MOV10: variants seen among roughly 807,000 people sequenced by gnomAD.
MOV10 encodes RNA helicase MOV-10.
In MOV10, 39 loss-of-function variants were observed where a neutral mutation model predicts 108.4. The ratio of observed to expected loss-of-function variants is 0.36; its 90% CI spans 0.28 to 0.47. The LOEUF (loss-of-function observed/expected upper bound fraction) is 0.47. MOV10 is among the 20% of genes least tolerant of loss of function. The pLI is 1.00. For missense variants in MOV10, 952 were observed against 1,297.6 expected, an observed-to-expected ratio of 0.73 and a Z score of 4.09; for synonymous variants, 490 against 523.1, an observed-to-expected ratio of 0.94 and a Z score of 0.86.
intron 2 of MOV10, among the ~76,000 whole-genome samples, chr1:112,681,900 GTT>G (rs751683438): frequency 2.9e-5 from 4 of 139,416 alleles, no homozygotes; most frequent in Admixed American, 1.4e-4. Context: ...TTGTTTATGG[GTT>G]TTTTTTTTTT....
intron 16 of MOV10, 62 bp downstream of exon 16, chr1:112,698,540 C>T: frequency 6.5e-7 from 1 of 1,549,810 alleles, no homozygotes; most frequent in Non-Finnish European, 8.8e-7. Context: ...TCCTTAATAT[C>T]CAGACCACTA....
chr1:112,675,111 G>T lies in MOV10; in HGVS notation c.137+62G>T. On this transcript the variant is annotated intron_variant, in intron 2 of 20. Coordinates refer to ENST00000369645, the MANE Select transcript of MOV10 (RefSeq NM_001321324.2). This position sits in a 1 kb window ranked among gnomAD's most constrained non-coding sequence, Gnocchi z 4.7. ...CCCAGCTTGCTGCCACGACCCCCGC[G>T]CGAGGGCCACCTTTCCCGCCCCGGG... 6.4e-7 allele frequency: 1 copy of T among 1,558,690 alleles called. No homozygotes were observed. The highest frequency in any genetic ancestry group is 8.7e-7 in the Non-Finnish European group (1 of 1,156,006).
chr1:112,697,539 G>C (rs1487206148), intron 14 of MOV10, among the ~76,000 whole-genome samples: 1 of 152,136 alleles, frequency 6.6e-6, no homozygotes, highest in African/African-American at 2.4e-5. Context: ...TTAAAGAGCT[G>C]TATACTTTTA....
chr1:112,694,318 G>C lies in MOV10; in HGVS notation c.1296-135G>C. 1 of 1,410,934 alleles carries C rather than the reference G, an allele frequency of 7.1e-7. No homozygotes were observed. The highest frequency in any genetic ancestry group is 1.3e-5 in the South Asian group (1 of 79,374). The allele number at this position is 1,410,934 out of a possible 1,614,324, so 87.4% of individuals were successfully genotyped here. On this transcript the variant is annotated intron_variant, in intron 8 of 20. Transcript: ENST00000369645. This position sits in a 1 kb window ranked among gnomAD's most constrained non-coding sequence, Gnocchi z 4.1. ...AGGGGTACCCTGAGATGCTACGGCA[G>C]CTTCCTCTTCTAGAGAACTTGCATA... is the stretch of plus-strand genomic sequence containing the variant.
intron 14 of MOV10, among the ~76,000 whole-genome samples, chr1:112,697,436 G>A (rs1331692424): frequency 6.6e-6 from 1 of 152,110 alleles, no homozygotes; most frequent in Admixed American, 6.5e-5. Flanking sequence ...CGCTACTGCA[G>A]TCTAGCCTGG....
In MOV10 at chr1:112,694,298, T is replaced by C; in HGVS notation, c.1295+126T>C. On this transcript the variant is annotated intron_variant, in intron 8 of 20. Transcript: ENST00000369645. The surrounding 1 kb of genome is among the most constrained non-coding windows in gnomAD (Gnocchi z 4.1). ...AGAGCAGGAGACTTTTCCTCAGGGG[T>C]ACCCTGAGATGCTACGGCAGCTTCC... The C allele has an allele frequency of 1.4e-6, 2 of 1,393,046 alleles. No individual in the cohort carries two copies. Among genetic ancestry groups the C allele is most frequent in the Admixed American group, 3.7e-5 (2 of 54,004 alleles). The allele number at this position is 1,393,046 out of a possible 1,614,324, so 86.3% of individuals were successfully genotyped here. A position where few individuals can be genotyped will look rare whatever the true frequency, so the allele number is the denominator to read the frequency against.
chr1:112,697,853 T>C (rs1674249321), intron 14 of MOV10, 141 bp from the exon 15 acceptor site: 3 of 701,060 alleles, frequency 4.3e-6, no homozygotes, highest in Non-Finnish European at 5.1e-6. Context: ...GCAGCAGATA[T>C]TATGGAGGAG....
At chr1:112,685,653 CAATAAAATAAAATAAAATAA>C (rs141836635) in intron 2 of MOV10, among the ~76,000 whole-genome samples, 1 of 139,208 alleles carries the variant, frequency 7.2e-6, no homozygotes, top group Non-Finnish European at 1.5e-5. Flanking sequence ...GATTCCGTCT[CAATAAAATAAAATAAAATAA>C]AATAAAATAA....
In MOV10 at chr1:112,694,414, C is replaced by G. The variant is rs1673871286; in HGVS notation, c.1296-39C>G. 6.2e-7 allele frequency: 1 copy of G among 1,612,220 alleles called. No homozygotes were observed. The highest frequency in any genetic ancestry group is 8.5e-7 in the Non-Finnish European group (1 of 1,179,270). ...TCTGGCCCTTTATTGCCCACCTCCC[C>G]TGCCCCAACAAACTCTTACCACCTC... On this transcript the variant is annotated intron_variant, in intron 8 of 20. Coordinates refer to ENST00000369645, the MANE Select transcript of MOV10 (RefSeq NM_001321324.2). This position sits in a 1 kb window ranked among gnomAD's most constrained non-coding sequence, Gnocchi z 4.1.
intron 6 of MOV10, among the ~76,000 whole-genome samples, 160 bp downstream of exon 6, chr1:112,691,959 A>C (rs1380423371): frequency 6.6e-6 from 1 of 152,224 alleles, no homozygotes; most frequent in East Asian, 1.9e-4. Flanking sequence ...TGAACCAGTC[A>C]AATGAAGGCC....
chr1:112,696,068 A>AG (rs556314032), intron 11 of MOV10, 80 bp from the exon 12 acceptor site: 41 of 920,966 alleles, frequency 4.5e-5, no homozygotes, highest in African/African-American at 1.8e-4. Flanking sequence ...TAATTGTTTG[A>AG]GGGGGGGTAC....
At chr1:112,674,613 C>CAGGGGAGGGAGCTTGGGGTA (rs921688658), upstream of MOV10, 1 of 263,906 alleles carries the variant, frequency 3.8e-6, no homozygotes, top group Non-Finnish European at 7.2e-6. Flanking sequence ...GGCTAGAAGC[C>CAGGGGAGGGAGCTTGGGGTA]AGGGGAGGGA....
intron 2 of MOV10, among the ~76,000 whole-genome samples, chr1:112,683,822 G>A (rs898896594): frequency 1.3e-5 from 2 of 152,224 alleles, no homozygotes; most frequent in African/African-American, 4.8e-5. Context: ...ACCACTGTGA[G>A]TGACTCTGCA....
At chr1:112,698,137 C>A in intron 15 of MOV10, 26 bp downstream of exon 15, 6 of 1,607,182 alleles carry the variant, frequency 3.7e-6, no homozygotes, top group Non-Finnish European at 4.3e-6. Flanking sequence ...GCAGGCCCCA[C>A]CCCTGTACCC....
Position 112,698,127 on chromosome 1 carries a change from G to A in MOV10, c.2316+16G>A, listed in dbSNP as rs776568110. Reference sequence around the variant, plus strand: ...ACCTCGACAGGTGAGGCTGAGCAGGGCAGGCCCCACCCCTGTACCCTGACT... The same window carrying A: ...ACCTCGACAGGTGAGGCTGAGCAGGACAGGCCCCACCCCTGTACCCTGACT... On this transcript the variant is annotated intron_variant, in intron 15 of 20. Coordinates refer to ENST00000369645, the MANE Select transcript of MOV10 (RefSeq NM_001321324.2). 1.2e-6 allele frequency: 2 copies of A among 1,610,954 alleles called. No homozygotes were observed. The highest frequency in any genetic ancestry group is 2.2e-5 in the South Asian group (2 of 91,024).
At chr1:112,696,890 A>G in intron 14 of MOV10, 44 bp downstream of exon 14, 1 of 1,487,352 alleles carries the variant, frequency 6.7e-7, no homozygotes, top group Non-Finnish European at 9.2e-7. Flanking sequence ...CTATGCTTTC[A>G]CATCCTGCAT....
chr1:112,694,085 C>G lies in MOV10; in HGVS notation c.1208C>G (p.Ser403Trp). Residue 403 changes from serine to tryptophan, a missense_variant, in exon 8 of 21, where the codon TCG (serine) becomes TGG (tryptophan). Ser to Trp is a radical substitution (Grantham distance 177). Coordinates refer to ENST00000369645, the MANE Select transcript of MOV10 (RefSeq NM_001321324.2). This position sits in a 1 kb window ranked among gnomAD's most constrained non-coding sequence, Gnocchi z 4.1. ...RGDHLFALLSSETHQEDPITY... is the reference protein window; with the variant it reads ...RGDHLFALLSWETHQEDPITY... ...GACCACCTGTTTGCCCTTTTGTCCT[C>G]GGAGACACACCAGGAGGACCCCATC... 6.2e-7 allele frequency: 1 copy of G among 1,613,988 alleles called. No homozygotes were observed. The highest frequency in any genetic ancestry group is 8.5e-7 in the Non-Finnish European group (1 of 1,179,980).
At chr1:112,682,980 C>T (rs1307348511) in intron 2 of MOV10, among the ~76,000 whole-genome samples, 1 of 146,816 alleles carries the variant, frequency 6.8e-6, no homozygotes, top group Non-Finnish European at 1.5e-5. Flanking sequence ...AGTGCAATGG[C>T]ATGATCTTGG....
rs1202400403 is a variant in MOV10, at chr1:112,689,149, G to A, written c.341+11G>A. The A allele has an allele frequency of 1.3e-6, 2 of 1,581,096 alleles. No individual in the cohort carries two copies. The highest frequency in any genetic ancestry group is 2.3e-5 in the South Asian group (2 of 87,942). On this transcript the variant is annotated intron_variant, in intron 3 of 20. Coordinates refer to ENST00000369645, the MANE Select transcript of MOV10 (RefSeq NM_001321324.2). ...GATCTTTTATGACAGGTGTGTGTGT[G>A]TTGTATGTTGTGTGTACGGGGAGGT...
Sources: allele counts gnomAD v4.1 joint callset (sites outside exome capture counted in the v4.1 genomes callset), GRCh38; gene constraint gnomAD v4.1.1; non-coding constraint Gnocchi (gnomAD v3.1); transcripts MANE v1.5; gene names NCBI Gene and HGNC (gene_info 2026-07-23, HGNC 2026-07-21).